The following NPHS1 variants were observed in gnomAD, a reference collection of about 807,000 sequenced individuals.
NPHS1 encodes NPHS1 adhesion molecule, nephrin, also known as nephrin.
Under a neutral mutation model 139.7 loss-of-function variants are expected in NPHS1, and 107 were observed. The observed-to-expected ratio is 0.77, with a 90% confidence interval of 0.66 to 0.90. The LOEUF (loss-of-function observed/expected upper bound fraction) is 0.90, where lower values mean the gene tolerates loss of function less well. NPHS1 is among the 40% of genes least tolerant of loss of function. The probability of loss-of-function intolerance (pLI) is 0.00; values close to 1 mark genes in which losing one functional copy is unlikely to be tolerated. For synonymous variants in NPHS1, 707 were observed against 706.6 expected (o/e 1.00, Z -0.01); for missense variants, 1,580 against 1,654.2 (o/e 0.96, Z 0.78).
chr19:35,845,849 T>A lies in NPHS1; in HGVS notation c.1628-51A>T. 1 of 1,591,432 alleles carries A rather than the reference T, an allele frequency of 6.3e-7. No individual in the cohort carries two copies. The highest frequency in any genetic ancestry group is 8.6e-7 in the Non-Finnish European group (1 of 1,165,744). ...GACTCAGAGGTTAGGGGCGGCCTGG[T>A]CTGCGTCCACCCCGCCTGCACCCCA... On this transcript the variant is annotated intron_variant, in intron 12 of 28. Transcript: ENST00000378910. This position sits in a 1 kb window ranked among gnomAD's most constrained non-coding sequence, Gnocchi z 5.5.
intron 17 of NPHS1, 79 bp from the exon 18 acceptor site, chr19:35,842,629 C>T (rs1973078496): frequency 1.3e-5 from 19 of 1,422,276 alleles, no homozygotes; most frequent in East Asian, 6.8e-5. Flanking sequence ...CTTCTGTAGC[C>T]TCATTCTCCT....
At chr19:35,846,657 T>C (rs756493871) in intron 11 of NPHS1, among the ~76,000 whole-genome samples, 3 of 152,244 alleles carry the variant, frequency 2.0e-5, no homozygotes, top group Non-Finnish European at 4.4e-5. Flanking sequence ...TTAATTCCAG[T>C]GTCTTTCCAT....
chr19:35,829,575 G>A (rs1972847817), intron 28 of NPHS1, among the ~76,000 whole-genome samples: 1 of 151,130 alleles, frequency 6.6e-6, no homozygotes, highest in Admixed American at 6.6e-5. Flanking sequence ...GTCTTGCTCT[G>A]TTGCCCAGGC....
Position 35,845,643 on chromosome 19 carries a change from A to T in NPHS1, c.1757+26T>A, listed in dbSNP as rs772116214. The stretch of plus-strand genomic sequence containing the variant: ...TGGAGGGGGCGAGGCCAGACCAGAG[A>T]GGGGAGGGATCCCTCGCACTCCCAC... On this transcript the variant is annotated intron_variant, in intron 13 of 28. Transcript: ENST00000378910. The surrounding 1 kb of genome is among the most constrained non-coding windows in gnomAD (Gnocchi z 5.5). The T allele has an allele frequency of 1.2e-6, 2 of 1,611,966 alleles. No homozygotes were observed. Among genetic ancestry groups the T allele is most frequent in the Admixed American group, 3.3e-5 (2 of 59,710 alleles).
At position 35,831,924 on chromosome 19, in the gene NPHS1, A is replaced by G. The variant is rs541015503; in HGVS notation, c.3167-162T>C. On this transcript the variant is annotated intron_variant, in intron 23 of 28. Transcript: ENST00000378910. ...CCACCCTTTCTGCCCACCCAAGGGCAGGTGGCTTCTTTCTTAAGTCAAGCC... is the reference window on the plus strand; with the variant it reads ...CCACCCTTTCTGCCCACCCAAGGGCGGGTGGCTTCTTTCTTAAGTCAAGCC... 1.1e-3 allele frequency among the ~76,000 whole-genome samples: 166 copies of G among 152,332 alleles called. 1 individual carries two copies. Among genetic ancestry groups the G allele is most frequent in the Middle Eastern group, 3.4e-3 (1 of 294 alleles).
chr19:35,844,184 G>A lies in NPHS1; in HGVS notation c.2131C>T (p.Arg711Cys), dbSNP rs764181464. 2.5e-6 allele frequency: 4 copies of A among 1,611,736 alleles called. No homozygotes were observed. The highest frequency in any genetic ancestry group is 3.4e-6 in the Non-Finnish European group (4 of 1,179,992). ...SGALHLWNVT[R>C]ADDGLYQLHC... The stretch of plus-strand genomic sequence containing the variant: ...AGCTGATAGAGGCCGTCGTCCGCGC[G>A]GGTCACATTCCACAGATGCAGAGCC... Residue 711 changes from arginine (R) to cysteine (C), a missense_variant, in exon 16 of 29, where the codon CGC becomes TGC. Physicochemically the swap from Arg to Cys is radical, Grantham distance 180. Coordinates refer to ENST00000378910, the MANE Select transcript of NPHS1 (RefSeq NM_004646.4).
At position 35,846,093 on chromosome 19, in the gene NPHS1, C is replaced by T; in HGVS notation, c.1542G>A (p.Val514=). The T allele has an allele frequency of 6.3e-7, 1 of 1,596,508 alleles. No homozygotes were observed. The highest frequency in any genetic ancestry group is 8.5e-7 in the Non-Finnish European group (1 of 1,172,112). Residue 514 remains valine (V), a synonymous_variant, in exon 12 of 29, where the codon GTG becomes GTA. Transcript: ENST00000378910. ...GGTTGTCCGACGGCCCTGTGACCAG[C>T]ACCAGCTCTCGGGAGAAGGTGCTCC... ...KSGSTFSREL[V]LVTGPSDNQA...
intron 16 of NPHS1, 66 bp downstream of exon 16, chr19:35,844,037 T>A: frequency 6.3e-7 from 1 of 1,579,602 alleles, no homozygotes; most frequent in Non-Finnish European, 8.6e-7. Context: ...GCTCCCACAA[T>A]GAGGAGACTC....
rs771864711 is a variant in NPHS1 at position 35,851,279 on chromosome 19, A to G, written c.380T>C (p.Val127Ala). 1.9e-6 allele frequency: 3 copies of G among 1,613,776 alleles called. No homozygotes were observed. In the South Asian group the frequency reaches 3.3e-5, roughly 18 times the overall value. ...ACCCATACCCAGGATGGAGAGGATC[A>G]CTCTGGGAGACACGAGCTCGGGCCC... The part of the protein sequence containing the change: ...EMGPELVSPR[V>A]ILSILVPPKL... Residue 127 changes from valine to alanine, a missense_variant, in exon 3 of 29, where the codon GTG (valine) becomes GCG (alanine). By Grantham distance (64) the Val-to-Ala change is moderately conservative (BLOSUM62 0). Coordinates refer to ENST00000378910, the MANE Select transcript of NPHS1 (RefSeq NM_004646.4).
At position 35,836,449 on chromosome 19, in the gene NPHS1, T is replaced by C. The variant is rs559891554; in HGVS notation, c.3110-688A>G. 1.6e-4 allele frequency among the ~76,000 whole-genome samples: 25 copies of C among 152,142 alleles called. No individual in the cohort carries two copies. The South Asian group carries it at 2.1e-3, about 13-fold the overall frequency. On this transcript the variant is annotated intron_variant, in intron 22 of 28. Coordinates refer to ENST00000378910, the MANE Select transcript of NPHS1 (RefSeq NM_004646.4). ...AAAAATTAACTGTTGATGAGCACTTTCGGTGTGCAAGGTCCTTTTCACCCG... is the reference window on the plus strand; with the variant it reads ...AAAAATTAACTGTTGATGAGCACTTCCGGTGTGCAAGGTCCTTTTCACCCG...
At chr19:35,831,548 C>G (rs375523817) in intron 24 of NPHS1, 48 bp from the exon 25 acceptor site, 30 of 1,613,490 alleles carry the variant, frequency 1.9e-5, no homozygotes, top group African/African-American at 5.3e-5. Flanking sequence ...GCAAGCCCCC[C>G]ACCCCGGCCC....
chr19:35,835,199 C>CAACAAA (rs1972939803), intron 23 of NPHS1, among the ~76,000 whole-genome samples: 1 of 71,212 alleles, frequency 1.4e-5, no homozygotes. Flanking sequence ...GACTCTGTCT[C>CAACAAA]AAAAAAAAAA....
chr19:35,848,589 C>A, intron 9 of NPHS1, 48 bp downstream of exon 9: 1 of 1,609,760 alleles, frequency 6.2e-7, no homozygotes, highest in Non-Finnish European at 8.5e-7. Context: ...CGAGTCATGC[C>A]CTCAGCCCCC....
intron 23 of NPHS1, 71 bp downstream of exon 23, chr19:35,835,634 G>A: frequency 1.5e-6 from 2 of 1,321,100 alleles, no homozygotes; most frequent in Non-Finnish European, 1.1e-6. Context: ...ACAAGCAGAG[G>A]AGGTAGGGTC....
intron 28 of NPHS1, among the ~76,000 whole-genome samples, chr19:35,828,395 G>C (rs1428461649): frequency 6.6e-6 from 1 of 152,032 alleles, no homozygotes; most frequent in Non-Finnish European, 1.5e-5. Context: ...CTCCCGAGTA[G>C]GTGGGACTAC....
chr19:35,831,081 C>T lies in NPHS1; in HGVS notation c.3453G>A (p.Pro1151=), dbSNP rs905105064. ...SLRDFSPQLP[P]TQEEVSYSRG... is the part of the protein sequence containing the mutation. ...GGGAATAAGACACCTCCTCCTGCGT[C>T]GGGGGCAGCTGGGGGCTGAAGTCCC... is the stretch of plus-strand genomic sequence containing the variant. Residue 1151 remains proline, a synonymous_variant, in exon 27 of 29, where the codon CCG becomes CCA. Coordinates refer to ENST00000378910, the MANE Select transcript of NPHS1 (RefSeq NM_004646.4). The T allele has an allele frequency of 4.3e-6, 7 of 1,613,982 alleles. No homozygotes were observed. Among genetic ancestry groups the T allele is most frequent in the South Asian group, 2.2e-5 (2 of 91,080 alleles).
intron 28 of NPHS1, among the ~76,000 whole-genome samples, chr19:35,827,741 A>T (rs1020874021): frequency 7.9e-5 from 12 of 152,084 alleles, no homozygotes; most frequent in Admixed American, 2.6e-4. Flanking sequence ...AATGGGCAAA[A>T]CCCTGTCTCT....
intron 22 of NPHS1, 125 bp downstream of exon 22, chr19:35,839,112 G>A: frequency 1.1e-6 from 1 of 909,496 alleles, no homozygotes; most frequent in Non-Finnish European, 1.8e-6. Flanking sequence ...TGTGACCTTG[G>A]ACAATTTGCT....
rs755254230 is a variant in NPHS1, at chr19:35,845,712, T to C, written c.1714A>G (p.Ser572Gly). ...CAGGACAAGTTGACCGGCGGATTGCTGCTGACGCTGACGCATGTCAAGTTT... is the reference window on the plus strand; with the variant it reads ...CAGGACAAGTTGACCGGCGGATTGCCGCTGACGCTGACGCATGTCAAGTTT... ...ALNLTCVSVSSNPPVNLSWDK... is the reference protein window; with the variant it reads ...ALNLTCVSVSGNPPVNLSWDK... Residue 572 changes from serine (S) to glycine (G), a missense_variant, in exon 13 of 29, where the codon AGC becomes GGC. Ser to Gly is a moderately conservative substitution (Grantham distance 56). Transcript: ENST00000378910. The surrounding 1 kb of genome is among the most constrained non-coding windows in gnomAD (Gnocchi z 5.5). 6 of 1,614,074 alleles carry C rather than the reference T, an allele frequency of 3.7e-6. No individual in the cohort carries two copies. The highest frequency in any genetic ancestry group is 1.6e-4 in the Middle Eastern group (1 of 6,062).
Sources: gnomAD v4.1 joint callset for allele counts (sites outside exome capture counted in the v4.1 genomes callset) on GRCh38, gnomAD v4.1.1 for gene constraint, Gnocchi (gnomAD v3.1) non-coding constraint, MANE v1.5 for transcripts, NCBI Gene and HGNC (gene_info 2026-07-23, HGNC 2026-07-21) for gene names.